The following TEC variants were observed in gnomAD, a reference collection of about 807,000 sequenced individuals.
TEC encodes tec protein tyrosine kinase, also known as tyrosine-protein kinase Tec.
Under a neutral mutation model 93.0 loss-of-function variants are expected in TEC, and 72 were observed. That is an observed-to-expected ratio of 0.77 (90% CI 0.64 to 0.94). The LOEUF (loss-of-function observed/expected upper bound fraction) is 0.94, where lower values mean the gene tolerates loss of function less well. TEC is among the 40% of genes least tolerant of loss of function. The probability of loss-of-function intolerance (pLI) is 0.00; values close to 1 mark genes in which losing one functional copy is unlikely to be tolerated. For synonymous variants in TEC, 249 were observed against 247.7 expected (o/e 1.01, Z -0.05); for missense variants, 630 against 757.9 (o/e 0.83, Z 1.98).
chr4:48,199,576 C>G (rs866546689), intron 2 of TEC, among the ~76,000 whole-genome samples: 1 of 142,808 alleles, frequency 7.0e-6, no homozygotes, highest in Admixed American at 7.5e-5. Flanking sequence ...AAGCAATTCT[C>G]CTGCCTCAGC....
chr4:48,143,999 C>T (rs1719794365), intron 14 of TEC, among the ~76,000 whole-genome samples: 1 of 152,070 alleles, frequency 6.6e-6, no homozygotes, highest in Admixed American at 6.5e-5. Flanking sequence ...CTGAGGCAGG[C>T]AGATTGCTTA....
intron 2 of TEC, among the ~76,000 whole-genome samples, chr4:48,202,881 A>G (rs1722578563): frequency 6.6e-6 from 1 of 152,222 alleles, no homozygotes; most frequent in Admixed American, 6.5e-5. Flanking sequence ...TGCTTTTCCT[A>G]ACTATAGAAA....
chr4:48,224,778 A>G (rs1160000729), intron 2 of TEC, among the ~76,000 whole-genome samples: 1 of 152,250 alleles, frequency 6.6e-6, no homozygotes, highest in East Asian at 1.9e-4. Context: ...AGCATATTTC[A>G]ACAAGCACAG....
Position 48,170,267 on chromosome 4 carries a change from T to A in TEC, c.435A>T (p.Lys145Asn). ...QTEKLAPGCE[K>N]YNLFESSIRK... ...ACTTACTGCTCTCAAAAAGATTGTA[T>A]TTTTCACATCCGGGTGCTAATTTTT... Residue 145 changes from lysine to asparagine, a missense_variant, in exon 5 of 18, where the codon AAA (lysine) becomes AAT (asparagine). Lys to Asn is a moderately conservative substitution (Grantham distance 94). Coordinates refer to ENST00000381501, the MANE Select transcript of TEC (RefSeq NM_003215.3). The A allele has an allele frequency of 6.3e-7, 1 of 1,595,138 alleles. No individual in the cohort carries two copies. The highest frequency in any genetic ancestry group is 8.6e-7 in the Non-Finnish European group (1 of 1,164,644).
chr4:48,152,790 T>C (rs1053075605), intron 9 of TEC, among the ~76,000 whole-genome samples: 5 of 152,144 alleles, frequency 3.3e-5, no homozygotes, highest in African/African-American at 1.2e-4. Context: ...TTATGTGTAG[T>C]TGTCAAGCAA....
intron 1 of TEC, among the ~76,000 whole-genome samples, chr4:48,243,037 C>T (rs1351004974): frequency 6.6e-6 from 1 of 152,142 alleles, no homozygotes; most frequent in Non-Finnish European, 1.5e-5. Flanking sequence ...CCTCATTTTA[C>T]TACTGTGTTA....
intron 14 of TEC, among the ~76,000 whole-genome samples, chr4:48,142,324 A>C (rs1719712877): frequency 2.0e-5 from 3 of 152,176 alleles, no homozygotes; most frequent in Admixed American, 6.5e-5. Flanking sequence ...TACAAAAAAA[A>C]TTAGCCAAGT....
At chr4:48,206,020 T>C (rs1722702922) in intron 2 of TEC, among the ~76,000 whole-genome samples, 1 of 152,156 alleles carries the variant, frequency 6.6e-6, no homozygotes, top group Non-Finnish European at 1.5e-5. Context: ...TACTAATATA[T>C]GCTACAACTT....
intron 2 of TEC, among the ~76,000 whole-genome samples, chr4:48,210,424 G>T (rs1722861460): frequency 6.6e-6 from 1 of 152,116 alleles, no homozygotes; most frequent in Admixed American, 6.5e-5. Context: ...GTTTGAGGCT[G>T]CAGTGAGCTA....
At chr4:48,215,019 G>A (rs1446249473) in intron 2 of TEC, among the ~76,000 whole-genome samples, 75 of 152,150 alleles carry the variant, frequency 4.9e-4, no homozygotes, top group Non-Finnish European at 7.4e-5. Flanking sequence ...CAGGCGAGGT[G>A]GATCATACCT....
At chr4:48,140,985 C>T (rs761204611) in intron 15 of TEC, among the ~76,000 whole-genome samples, 21 of 151,842 alleles carry the variant, frequency 1.4e-4, no homozygotes, top group Middle Eastern at 3.4e-3. Context: ...AATGGATAGA[C>T]GGAGGGAGAA....
At chr4:48,144,935 C>T in intron 14 of TEC, 144 bp downstream of exon 14, 1 of 681,782 alleles carries the variant, frequency 1.5e-6, no homozygotes, top group Non-Finnish European at 2.6e-6. Context: ...AATTACAGGG[C>T]AAGTTAAATT....
intron 1 of TEC, among the ~76,000 whole-genome samples, chr4:48,230,212 A>T (rs2109641745): frequency 6.6e-6 from 1 of 152,196 alleles, no homozygotes; most frequent in East Asian, 1.9e-4. Flanking sequence ...CCACTGAGGA[A>T]TTCTACCATC....
Position 48,168,642 on chromosome 4 carries a change from A to G in TEC, c.455-16T>C, listed in dbSNP as rs1274984353. The G allele has an allele frequency of 6.3e-7, 1 of 1,599,862 alleles. No homozygotes were observed. The highest frequency in any genetic ancestry group is 8.5e-7 in the Non-Finnish European group (1 of 1,176,882). Reference sequence around the variant, plus strand: ...TTTCTTATACCTGAAAATGCCAACAACAAAAACAGATTAAAATGCTATCTA... The same window carrying G: ...TTTCTTATACCTGAAAATGCCAACAGCAAAAACAGATTAAAATGCTATCTA... On this transcript the variant is annotated splice_polypyrimidine_tract_variant and intron_variant, in intron 5 of 17. Transcript: ENST00000381501.
At chr4:48,233,639 T>TA (rs35651049) in intron 1 of TEC, among the ~76,000 whole-genome samples, 51,328 of 150,090 alleles carry the variant, frequency 0.34, 9,805 homozygotes, top group African/African-American at 0.53. Flanking sequence ...AAGAAAATGT[T>TA]AAAAAAAACT....
At chr4:48,236,162 A>G (rs1723777629) in intron 1 of TEC, among the ~76,000 whole-genome samples, 1 of 152,218 alleles carries the variant, frequency 6.6e-6, no homozygotes, top group African/African-American at 2.4e-5. Context: ...TTGAAGGGAG[A>G]TGTCCCCTCT....
At chr4:48,184,770 T>TACACACAC (rs58704241) in intron 2 of TEC, among the ~76,000 whole-genome samples, 3,488 of 140,986 alleles carry the variant, frequency 0.025, 51 homozygotes, top group Middle Eastern at 0.094. Flanking sequence ...ACAAAAAAAA[T>TACACACAC]ACACACACAC....
At chr4:48,215,764 T>TAA (rs1723057220) in intron 2 of TEC, among the ~76,000 whole-genome samples, 1 of 152,118 alleles carries the variant, frequency 6.6e-6, no homozygotes, top group South Asian at 2.1e-4. Context: ...ATAACAACCA[T>TAA]ATTATTGACA....
intron 2 of TEC, among the ~76,000 whole-genome samples, chr4:48,209,756 AAAC>A (rs1722835396): frequency 2.6e-5 from 4 of 152,260 alleles, no homozygotes; most frequent in Admixed American, 2.6e-4. Context: ...AGGACTTCAA[AAAC>A]AACAACTGTT....
Sources: gnomAD v4.1 joint callset for allele counts (sites outside exome capture counted in the v4.1 genomes callset) on GRCh38, gnomAD v4.1.1 for gene constraint, MANE v1.5 for transcripts, NCBI Gene and HGNC (gene_info 2026-07-23, HGNC 2026-07-21) for gene names.